Variants in PDXDC1 observed in about 807,000 individuals in gnomAD.
PDXDC1 encodes the protein pyridoxal dependent decarboxylase domain containing 1.
A neutral mutation model predicts 100.1 loss-of-function variants in PDXDC1; 42 were observed. The ratio of observed to expected loss-of-function variants is 0.42; its 90% CI spans 0.33 to 0.54. The LOEUF (loss-of-function observed/expected upper bound fraction) is 0.54. PDXDC1 is among the 20% of genes least tolerant of loss of function. The pLI is 0.10. For synonymous variants in PDXDC1, 260 were observed against 371.7 expected (o/e 0.70, Z 3.46); for missense variants, 636 against 979.2 (o/e 0.65, Z 4.68).
downstream of PDXDC1, among the ~76,000 whole-genome samples, chr16:15,144,012 T>C (rs1479742781): frequency 6.6e-6 from 1 of 152,142 alleles, no homozygotes; most frequent in Non-Finnish European, 1.5e-5. Context: ...GCGGAGCTTA[T>C]GTAACCGCTC....
intron 1 of PDXDC1, 119 bp from the exon 2 acceptor site, chr16:14,997,634 A>G: frequency 8.6e-7 from 1 of 1,168,052 alleles, no homozygotes; most frequent in East Asian, 2.7e-5. Flanking sequence ...CAAGTTTTAA[A>G]ATCATGTATT....
At chr16:15,117,329 T>TAAAAAA (rs2047266823) in intron 16 of PDXDC1, among the ~76,000 whole-genome samples, 1 of 107,346 alleles carries the variant, frequency 9.3e-6, no homozygotes, top group Non-Finnish European at 1.9e-5. Flanking sequence ...TTTATGCTGG[T>TAAAAAA]GTATGTACTT....
downstream of PDXDC1, chr16:15,041,596 T>C (rs1042152020): frequency 6.4e-6 from 10 of 1,569,138 alleles, 1 homozygote; most frequent in African/African-American, 1.2e-4. Flanking sequence ...CCCACATCTT[T>C]GCTTTGGGGC....
At chr16:15,094,012 C>T in intron 16 of PDXDC1, 2 of 764,912 alleles carry the variant, frequency 2.6e-6, no homozygotes, top group South Asian at 3.1e-5. Flanking sequence ...TTTCTGTGAA[C>T]GTGAGATGAC....
intron 16 of PDXDC1, chr16:15,060,162 T>C: frequency 2.4e-6 from 1 of 423,420 alleles, no homozygotes; most frequent in Non-Finnish European, 4.7e-6. Context: ...TAAATGTCTT[T>C]CTACATTAAA....
intron 16 of PDXDC1, among the ~76,000 whole-genome samples, chr16:15,090,052 TAAA>T (rs1297570836): frequency 6.6e-6 from 1 of 151,078 alleles, no homozygotes; most frequent in African/African-American, 2.4e-5. Flanking sequence ...CTACTAAAAA[TAAA>T]AAAAATTAAC....
chr16:15,029,538 A>G (rs2042896279), intron 15 of PDXDC1: 1 of 354,344 alleles, frequency 2.8e-6, no homozygotes, highest in African/African-American at 2.1e-5. Context: ...TGTCTCAAGC[A>G]GAAAGGAACT....
intron 12 of PDXDC1, among the ~76,000 whole-genome samples, chr16:15,020,901 C>G (rs2042146208): frequency 6.6e-6 from 1 of 151,974 alleles, no homozygotes; most frequent in African/African-American, 2.4e-5. Context: ...GGGAGAATTG[C>G]TTGAACTTGG....
intron 1 of PDXDC1, among the ~76,000 whole-genome samples, chr16:14,979,029 T>C (rs1350481275): frequency 1.3e-5 from 2 of 152,262 alleles, no homozygotes; most frequent in Admixed American, 6.5e-5. Flanking sequence ...CCCCAAGGGG[T>C]AGAGGGAATT....
intron 21 of PDXDC1, among the ~76,000 whole-genome samples, 163 bp downstream of exon 21, chr16:15,034,716 C>G (rs993529468): frequency 9.2e-5 from 14 of 151,604 alleles, no homozygotes; most frequent in Admixed American, 6.6e-5. Flanking sequence ...TGTGCCCTGT[C>G]CTCCTCCCCA....
At chr16:15,128,828 T>TG (rs1453453650) in intron 16 of PDXDC1, among the ~76,000 whole-genome samples, 15 of 149,852 alleles carry the variant, frequency 1.0e-4, no homozygotes, top group Non-Finnish European at 1.6e-4. Context: ...TTTTTTGAGA[T>TG]GGAGTCTTGC....
intron 16 of PDXDC1, chr16:15,128,123 G>A (rs1365133433): frequency 1.2e-6 from 2 of 1,609,768 alleles, no homozygotes; most frequent in Non-Finnish European, 1.7e-6. Flanking sequence ...CAGGAACCAG[G>A]CAGGGCTGAG....
At chr16:15,066,219 T>C (rs2151763977) in intron 16 of PDXDC1, among the ~76,000 whole-genome samples, 1 of 152,242 alleles carries the variant, frequency 6.6e-6, no homozygotes, top group Non-Finnish European at 1.5e-5. Flanking sequence ...GGAGGGTGGT[T>C]TGCACTATCA....
chr16:15,143,306 A>G (rs1395445209), downstream of PDXDC1, among the ~76,000 whole-genome samples: 1 of 152,098 alleles, frequency 6.6e-6, no homozygotes, highest in African/African-American at 2.4e-5. Flanking sequence ...CCAATCCTGG[A>G]GCAGGAGCAG....
At chr16:14,990,897 T>C (rs1339378018) in intron 1 of PDXDC1, among the ~76,000 whole-genome samples, 3 of 152,276 alleles carry the variant, frequency 2.0e-5, no homozygotes, top group Non-Finnish European at 4.4e-5. Context: ...TACGTGACCA[T>C]GCCCAGCTAA....
chr16:15,073,174 A>C (rs1230864445), intron 16 of PDXDC1: 2 of 1,414,228 alleles, frequency 1.4e-6, no homozygotes, highest in African/African-American at 2.9e-5. Flanking sequence ...ATTAAAAAAC[A>C]ACATTATCCA....
chr16:15,071,565 C>T (rs1276924674), intron 16 of PDXDC1, among the ~76,000 whole-genome samples: 1 of 152,098 alleles, frequency 6.6e-6, no homozygotes, highest in Non-Finnish European at 1.5e-5. Context: ...GTCAGGAGCT[C>T]GAGACCAGCC....
downstream of PDXDC1, among the ~76,000 whole-genome samples, chr16:15,042,502 TC>T (rs1486806239): frequency 1.3e-5 from 2 of 152,132 alleles, no homozygotes; most frequent in African/African-American, 4.8e-5. Context: ...CAATTTTATA[TC>T]CTGATTTGCT....
chr16:15,119,396 TA>T (rs1330403453), intron 16 of PDXDC1, among the ~76,000 whole-genome samples: 144 of 140,840 alleles, frequency 1.0e-3, no homozygotes, highest in African/African-American at 3.1e-3. Flanking sequence ...GCTGATGATC[TA>T]AAAAAAAAAA....
Sources: gnomAD v4.1 joint callset for allele counts (sites outside exome capture counted in the v4.1 genomes callset) on GRCh38, gnomAD v4.1.1 for gene constraint, MANE v1.5 for transcripts, NCBI Gene and HGNC (gene_info 2026-07-23, HGNC 2026-07-21) for gene names.